Variants in PBX1 observed in about 807,000 individuals in gnomAD.
PBX1 encodes pre-B-cell leukemia transcription factor 1.
A neutral mutation model predicts 53.4 loss-of-function variants in PBX1; 6 were observed. That is an observed-to-expected ratio of 0.11 (90% CI 0.06 to 0.22). The LOEUF is 0.22. PBX1 is among the 10% of genes least tolerant of loss of function. The pLI is 1.00. For synonymous variants in PBX1, 204 were observed against 212.3 expected (o/e 0.96, Z 0.34); for missense variants, 251 against 551.4 (o/e 0.46, Z 5.46).
At chr1:164,598,818 T>C (rs1247755693) in intron 2 of PBX1, among the ~76,000 whole-genome samples, 1 of 152,210 alleles carries the variant, frequency 6.6e-6, no homozygotes. Flanking sequence ...GTATAGCATA[T>C]TTCATTTATG....
intron 2 of PBX1, among the ~76,000 whole-genome samples, chr1:164,871,262 AGAATAGAGT>A (rs1469814162): frequency 1.3e-5 from 2 of 152,206 alleles, no homozygotes; most frequent in African/African-American, 4.8e-5. Flanking sequence ...AGGGGCTCAG[AGAATAGAGT>A]GCTTTCAGTG....
intron 5 of PBX1, among the ~76,000 whole-genome samples, chr1:164,810,435 A>T (rs978917773): frequency 6.6e-6 from 1 of 152,178 alleles, no homozygotes; most frequent in Non-Finnish European, 1.5e-5. Flanking sequence ...TTAGAAGGGT[A>T]TCATTCCCAC....
At chr1:164,630,346 G>A (rs1437595280) in intron 2 of PBX1, among the ~76,000 whole-genome samples, 2 of 152,170 alleles carry the variant, frequency 1.3e-5, no homozygotes, top group African/African-American at 4.8e-5. Context: ...TTAGGAGACA[G>A]ATAATGCTCT....
chr1:164,829,694 G>A (rs930716485), intron 8 of PBX1: 3 of 152,100 alleles, frequency 2.0e-5, no homozygotes, highest in Non-Finnish European at 4.4e-5. Context: ...TAGGTGATGG[G>A]TGGAGCAAAC....
At chr1:164,603,883 G>C (rs1383192203) in intron 2 of PBX1, among the ~76,000 whole-genome samples, 1 of 131,790 alleles carries the variant, frequency 7.6e-6, no homozygotes, top group Non-Finnish European at 1.6e-5. Context: ...AGCAGATACT[G>C]TTTGCTAGAC....
At chr1:164,655,813 C>T (rs779150008) in intron 2 of PBX1, among the ~76,000 whole-genome samples, 1 of 152,114 alleles carries the variant, frequency 6.6e-6, no homozygotes, top group Non-Finnish European at 1.5e-5. Context: ...TTTTACATGG[C>T]ATCAATATGC....
intron 2 of PBX1, among the ~76,000 whole-genome samples, chr1:164,662,832 A>G (rs1367236565): frequency 5.7e-5 from 5 of 87,844 alleles, no homozygotes; most frequent in African/African-American, 1.5e-4. Context: ...ATGTGTGAAC[A>G]TTTATTTTTT....
chr1:164,698,908 G>T (rs1662944953), intron 2 of PBX1, among the ~76,000 whole-genome samples: 1 of 152,184 alleles, frequency 6.6e-6, no homozygotes, highest in Admixed American at 6.5e-5. Context: ...AGCACAGGGG[G>T]GTTTTGAAAC....
In PBX1 at chr1:164,812,161, C is replaced by G. The variant is rs562645034; in HGVS notation, c.997+12C>G. 2 of 1,603,608 alleles carry G rather than the reference C, an allele frequency of 1.2e-6. No individual in the cohort carries two copies. The highest frequency in any genetic ancestry group is 1.3e-5 in the African/African-American group (1 of 74,618). On this transcript the variant is annotated intron_variant, in intron 6 of 8. Coordinates refer to ENST00000420696, the MANE Select transcript of PBX1 (RefSeq NM_002585.4). The stretch of plus-strand genomic sequence containing the variant: ...TCCCAACTCGGCTGGTTAGTTTTTT[C>G]TTTGATTGGGGGTGGGGGAAGGAAT...
In PBX1 at chr1:164,811,847, C is replaced by G. The variant is rs1669628460; in HGVS notation, c.838-143C>G. 12 of 457,696 alleles carry G rather than the reference C, an allele frequency of 2.6e-5. No homozygotes were observed. The South Asian group carries it at 7.0e-4, about 27-fold the overall frequency. The allele number at this position is 457,696 out of a possible 1,614,324, so 28.4% of individuals were successfully genotyped here. On this transcript the variant is annotated intron_variant, in intron 5 of 8. Transcript: ENST00000420696. ...TCCTTTTGAAGCTCTTACTTCAGAT[C>G]TTTTTACTGATGTTGCCAAATTATT...
rs1571098030 is a variant in PBX1 at position 164,626,865 on chromosome 1, G to T, written c.265+63554G>T. Among the ~76,000 whole-genome samples, 8 of 152,190 alleles carry T rather than the reference G, an allele frequency of 5.3e-5. 2 individuals carry two copies. Among genetic ancestry groups the T allele is most frequent in the Admixed American group, 5.2e-4 (8 of 15,288 alleles). ...TCTCTTTCTTCTCACCATTTAACAG[G>T]TATAATAAAGGTGGGGAATCTTTAC... On this transcript the variant is annotated intron_variant, in intron 2 of 8. Transcript: ENST00000420696.
intron 2 of PBX1, among the ~76,000 whole-genome samples, chr1:164,870,350 TTTC>T (rs1672350510): frequency 9.9e-6 from 1 of 100,820 alleles, no homozygotes; most frequent in South Asian, 3.5e-4. Flanking sequence ...TCTTTCTTTC[TTTC>T]TTTCTTTCGA....
chr1:164,826,062 C>T (rs1245697204), intron 8 of PBX1, among the ~76,000 whole-genome samples: 1 of 152,150 alleles, frequency 6.6e-6, no homozygotes, highest in East Asian at 1.9e-4. Context: ...TAAGGAGTCA[C>T]TTCACCTCTG....
intron 2 of PBX1, among the ~76,000 whole-genome samples, chr1:164,694,995 A>G (rs532391013): frequency 6.6e-6 from 1 of 152,170 alleles, no homozygotes; most frequent in African/African-American, 2.4e-5. Flanking sequence ...TGCTTGCTAT[A>G]CCCTTATTCA....
chr1:164,817,959 G>A (rs1669959964), intron 6 of PBX1: 1 of 152,202 alleles, frequency 6.6e-6, no homozygotes, highest in South Asian at 2.1e-4. Flanking sequence ...TAGAGACGAT[G>A]GGAGAGAAGT....
chr1:164,782,612 G>A (rs1010839845), intron 2 of PBX1, among the ~76,000 whole-genome samples: 2 of 152,200 alleles, frequency 1.3e-5, no homozygotes, highest in East Asian at 1.9e-4. Flanking sequence ...TCCTGTGGGA[G>A]CAAAATGTTC....
intron 2 of PBX1, among the ~76,000 whole-genome samples, chr1:164,866,419 C>T (rs1260351230): frequency 6.6e-6 from 1 of 152,192 alleles, no homozygotes; most frequent in African/African-American, 2.4e-5. Flanking sequence ...GGAAATGTCA[C>T]CAGATACCAG....
At chr1:164,756,095 G>T (rs983883867) in intron 2 of PBX1, among the ~76,000 whole-genome samples, 4 of 152,126 alleles carry the variant, frequency 2.6e-5, no homozygotes, top group Admixed American at 2.6e-4. Context: ...CTGGCACGTT[G>T]CCCCTTATTT....
chr1:164,592,479 A>G (rs1655458916), intron 2 of PBX1, among the ~76,000 whole-genome samples: 1 of 152,212 alleles, frequency 6.6e-6, no homozygotes, highest in Non-Finnish European at 1.5e-5. Context: ...TTGAGAAAGG[A>G]AAGGAGAAGT....
Sources: gnomAD v4.1 joint callset for allele counts (sites outside exome capture counted in the v4.1 genomes callset) on GRCh38, gnomAD v4.1.1 for gene constraint, MANE v1.5 for transcripts, NCBI Gene and HGNC (gene_info 2026-07-23, HGNC 2026-07-21) for gene names.